TSPAN5: variants seen among roughly 807,000 people sequenced by gnomAD.
TSPAN5 encodes tetraspanin-5.
TSPAN5 carries 10 observed loss-of-function variants against 37.1 expected under a neutral mutation model. The observed-to-expected ratio is 0.27, with a 90% CI of 0.17 to 0.46. The LOEUF (loss-of-function observed/expected upper bound fraction) is 0.46. Ranked by LOEUF, TSPAN5 falls within the 20% of genes least tolerant of loss-of-function variation. The probability of loss-of-function intolerance (pLI) is 1.00; values close to 1 mark genes in which losing one functional copy is unlikely to be tolerated. For missense variants in TSPAN5, 195 were observed against 326.6 expected (o/e 0.60, Z 3.11); for synonymous variants, 110 against 118.9 (o/e 0.93, Z 0.48).
intron 1 of TSPAN5, among the ~76,000 whole-genome samples, chr4:98,616,163 T>C (rs1756330780): frequency 1.3e-5 from 2 of 151,994 alleles, no homozygotes; most frequent in Non-Finnish European, 2.9e-5. Flanking sequence ...TGGCCCTTGC[T>C]TCCCTTGCAT....
intron 3 of TSPAN5, chr4:98,484,799 T>TC (rs1752925322): frequency 1.5e-4 from 43 of 282,974 alleles, no homozygotes; most frequent in Non-Finnish European, 2.4e-4. Flanking sequence ...CCATCTTTAC[T>TC]TAAAAAAAAA....
In TSPAN5 at chr4:98,486,724, A is replaced by G. The variant is rs181520770; in HGVS notation, c.279+14T>C. The G allele has an allele frequency of 8.3e-5, 134 of 1,613,954 alleles. No individual in the cohort carries two copies. In the African/African-American group the frequency reaches 1.6e-3, roughly 19 times the overall value. ...TTTGGCTCTCAATCTGAGAGTAGAG[A>G]GTGGAATACTTACAAACTTGAGAAG... On this transcript the variant is annotated intron_variant, in intron 3 of 7. Coordinates refer to ENST00000305798, the MANE Select transcript of TSPAN5 (RefSeq NM_005723.4).
At chr4:98,565,180 T>C (rs1229742105) in intron 1 of TSPAN5, among the ~76,000 whole-genome samples, 2 of 152,208 alleles carry the variant, frequency 1.3e-5, no homozygotes, top group Non-Finnish European at 2.9e-5. Flanking sequence ...CATGAGTAGA[T>C]AGAGGGCATT....
intron 7 of TSPAN5, 145 bp downstream of exon 7, chr4:98,476,043 AC>A (rs1752687301): frequency 8.7e-6 from 4 of 460,764 alleles, no homozygotes; most frequent in Non-Finnish European, 1.6e-5. Flanking sequence ...TAAAACACAA[AC>A]CAAATCGTTT....
At chr4:98,538,232 C>T (rs1754279961) in intron 1 of TSPAN5, among the ~76,000 whole-genome samples, 1 of 152,252 alleles carries the variant, frequency 6.6e-6, no homozygotes. Flanking sequence ...TGACTTTGGA[C>T]ACTTTAGGGC....
intron 1 of TSPAN5, among the ~76,000 whole-genome samples, chr4:98,558,172 G>A (rs546023801): frequency 2.6e-4 from 39 of 150,746 alleles, no homozygotes; most frequent in African/African-American, 9.0e-4. Flanking sequence ...AACAGCACTC[G>A]AACATAAATT....
At chr4:98,499,955 C>T (rs28716707) in intron 2 of TSPAN5, among the ~76,000 whole-genome samples, 2,327 of 151,990 alleles carry the variant, frequency 0.015, 46 homozygotes, top group African/African-American at 0.054. Flanking sequence ...CCACCGCGCC[C>T]GGCCGGTTTC....
At chr4:98,539,447 C>T (rs1754312367) in intron 1 of TSPAN5, among the ~76,000 whole-genome samples, 1 of 152,156 alleles carries the variant, frequency 6.6e-6, no homozygotes, top group Non-Finnish European at 1.5e-5. Context: ...CCTTACTCCC[C>T]TCTTCCCCAA....
chr4:98,619,340 G>A (rs1756427135), intron 1 of TSPAN5, among the ~76,000 whole-genome samples: 1 of 152,144 alleles, frequency 6.6e-6, no homozygotes, highest in Admixed American at 6.5e-5. Context: ...TCACAAGGCA[G>A]CCTCAGATTT....
At chr4:98,570,788 G>C (rs1218110045) in intron 1 of TSPAN5, among the ~76,000 whole-genome samples, 1 of 151,952 alleles carries the variant, frequency 6.6e-6, no homozygotes, top group Non-Finnish European at 1.5e-5. Context: ...CTCCCATTTT[G>C]CCATCTCTCC....
At chr4:98,615,444 G>C (rs541704017) in intron 1 of TSPAN5, among the ~76,000 whole-genome samples, 1 of 150,576 alleles carries the variant, frequency 6.6e-6, no homozygotes, top group African/African-American at 2.5e-5. Context: ...TCCCGTGTTT[G>C]ACTATCATTA....
intron 1 of TSPAN5, among the ~76,000 whole-genome samples, chr4:98,555,862 T>C (rs1323455993): frequency 6.6e-6 from 1 of 152,042 alleles, no homozygotes; most frequent in Non-Finnish European, 1.5e-5. Context: ...ACCTACCCTG[T>C]TAAACAAAAA....
At chr4:98,564,893 T>G (rs1359617061) in intron 1 of TSPAN5, among the ~76,000 whole-genome samples, 1 of 152,174 alleles carries the variant, frequency 6.6e-6, no homozygotes, top group Non-Finnish European at 1.5e-5. Context: ...GACATCATGT[T>G]CCTGCTTCTG....
At chr4:98,601,370 T>G (rs1462537068) in intron 1 of TSPAN5, among the ~76,000 whole-genome samples, 1 of 152,242 alleles carries the variant, frequency 6.6e-6, no homozygotes, top group Non-Finnish European at 1.5e-5. Flanking sequence ...AGAAATTTGT[T>G]GTTTAGTGTA....
chr4:98,575,961 T>G (rs1560543899), intron 1 of TSPAN5, among the ~76,000 whole-genome samples: 1 of 151,936 alleles, frequency 6.6e-6, no homozygotes, highest in Non-Finnish European at 1.5e-5. Flanking sequence ...CCCAGCTACT[T>G]GGGAGGCTGA....
chr4:98,478,587 T>C (rs1442327738), intron 5 of TSPAN5, 98 bp downstream of exon 5: 1 of 1,452,052 alleles, frequency 6.9e-7, no homozygotes, highest in Non-Finnish European at 9.6e-7. Context: ...AGTAACCAGG[T>C]AAGAAGAGGG....
chr4:98,516,650 T>C (rs1753737239), intron 1 of TSPAN5, among the ~76,000 whole-genome samples: 1 of 152,212 alleles, frequency 6.6e-6, no homozygotes, highest in African/African-American at 2.4e-5. Context: ...AATGTGGTGG[T>C]GTCAGAAGGT....
At chr4:98,527,875 ATGT>A (rs1753994609) in intron 1 of TSPAN5, among the ~76,000 whole-genome samples, 1 of 152,226 alleles carries the variant, frequency 6.6e-6, no homozygotes, top group Non-Finnish European at 1.5e-5. Context: ...AGACGGGATA[ATGT>A]TGTGTCTAAT....
chr4:98,497,790 G>A (rs967198594), intron 2 of TSPAN5, among the ~76,000 whole-genome samples: 4 of 152,192 alleles, frequency 2.6e-5, no homozygotes, highest in African/African-American at 9.6e-5. Context: ...CAGAGTGCAT[G>A]GAGCAGAGGC....
Sources: gnomAD v4.1 joint callset for allele counts (sites outside exome capture counted in the v4.1 genomes callset) on GRCh38, gnomAD v4.1.1 for gene constraint, MANE v1.5 for transcripts, NCBI Gene and HGNC (gene_info 2026-07-23, HGNC 2026-07-21) for gene names.